The following KCTD8 variants were observed in gnomAD, a reference collection of about 807,000 sequenced individuals.
The protein encoded by KCTD8 is potassium channel tetramerization domain containing 8.
Under a neutral mutation model 31.5 loss-of-function variants are expected in KCTD8, and 27 were observed. That is an observed-to-expected ratio of 0.86 (90% CI 0.63 to 1.18). KCTD8 has a LOEUF of 1.18. Among genes scored for constraint, KCTD8 ranks in the 50% most tolerant of loss-of-function variants. The probability of loss-of-function intolerance (pLI) is 0.00; values close to 1 mark genes in which losing one functional copy is unlikely to be tolerated. For missense variants in KCTD8, 658 were observed against 647.7 expected (o/e 1.02, Z -0.17); for synonymous variants, 290 against 280.0 (o/e 1.04, Z -0.36).
intron 1 of KCTD8, among the ~76,000 whole-genome samples, chr4:44,373,936 A>G (rs4604087): frequency 0.034 from 5,105 of 152,288 alleles, 115 homozygotes; most frequent in Non-Finnish European, 0.051. Context: ...CATCACATTA[A>G]AAGATCGGCT....
chr4:44,359,097 T>C (rs1177594420), intron 1 of KCTD8, among the ~76,000 whole-genome samples: 6 of 152,216 alleles, frequency 3.9e-5, no homozygotes, highest in Admixed American at 1.3e-4. Flanking sequence ...AAAAAATTTA[T>C]CCAGTTCTAT....
chr4:44,306,965 G>T (rs113894413), intron 1 of KCTD8, among the ~76,000 whole-genome samples: 1 of 151,900 alleles, frequency 6.6e-6, no homozygotes, highest in African/African-American at 2.4e-5. Context: ...ATAAAGAGTG[G>T]CTAAAGGTAC....
At chr4:44,222,665 T>G (rs1274417749) in intron 1 of KCTD8, among the ~76,000 whole-genome samples, 2 of 152,146 alleles carry the variant, frequency 1.3e-5, no homozygotes, top group Non-Finnish European at 2.9e-5. Flanking sequence ...CTCAGGCAAA[T>G]TATTTCCTGT....
chr4:44,187,403 C>T (rs966680262), intron 1 of KCTD8, among the ~76,000 whole-genome samples: 1 of 152,244 alleles, frequency 6.6e-6, no homozygotes, highest in East Asian at 1.9e-4. Context: ...TCACCCTTCT[C>T]GTGCTTAAAT....
chr4:44,296,040 A>G (rs1343567250), intron 1 of KCTD8, among the ~76,000 whole-genome samples: 1 of 152,132 alleles, frequency 6.6e-6, no homozygotes, highest in East Asian at 1.9e-4. Flanking sequence ...AATATTTCCA[A>G]TTCTTATAGG....
Position 44,302,479 on chromosome 4 carries a change from C to T in KCTD8, c.962-127229G>A, listed in dbSNP as rs552859844. On this transcript the variant is annotated intron_variant, in intron 1 of 1. Transcript: ENST00000360029. ...CTAAGTATTTTATTCTCTTTGAAGC[C>T]ATTGTGAATGGGAGTTCACTCATGA... Among the ~76,000 whole-genome samples, 4 of 151,986 alleles carry T rather than the reference C, an allele frequency of 2.6e-5. No homozygotes were observed. The East Asian group carries it at 7.7e-4, about 29-fold the overall frequency.
intron 1 of KCTD8, among the ~76,000 whole-genome samples, chr4:44,218,899 G>A (rs563804835): frequency 6.6e-6 from 1 of 152,250 alleles, no homozygotes; most frequent in East Asian, 1.9e-4. Flanking sequence ...TTTCGTAACA[G>A]TGGAATTATG....
intron 1 of KCTD8, among the ~76,000 whole-genome samples, chr4:44,323,507 C>T (rs192910221): frequency 2.9e-5 from 4 of 135,692 alleles, no homozygotes; most frequent in African/African-American, 8.2e-5. Context: ...CCCACCCCCC[C>T]CCAAAAAAAA....
chr4:44,347,447 G>A (rs1560432209), intron 1 of KCTD8, among the ~76,000 whole-genome samples: 1 of 152,158 alleles, frequency 6.6e-6, no homozygotes, highest in Non-Finnish European at 1.5e-5. Flanking sequence ...AAGAGCCAAT[G>A]GCTACTGGTC....
intron 1 of KCTD8, among the ~76,000 whole-genome samples, chr4:44,320,589 A>G (rs1718269125): frequency 6.6e-6 from 1 of 152,204 alleles, no homozygotes; most frequent in Admixed American, 6.5e-5. Flanking sequence ...AATAGACCTC[A>G]CCAAATAAAG....
chr4:44,226,123 C>T (rs764174283), intron 1 of KCTD8, among the ~76,000 whole-genome samples: 8 of 152,042 alleles, frequency 5.3e-5, no homozygotes, highest in African/African-American at 1.7e-4. Context: ...CCACTGCGCC[C>T]GGCCCTCCTC....
intron 1 of KCTD8, among the ~76,000 whole-genome samples, chr4:44,205,721 TAAAC>T (rs1714285383): frequency 6.6e-6 from 1 of 152,186 alleles, no homozygotes; most frequent in African/African-American, 2.4e-5. Flanking sequence ...AACTGAGACA[TAAAC>T]AAAGCAGTCA....
At chr4:44,326,302 T>C (rs923383806) in intron 1 of KCTD8, among the ~76,000 whole-genome samples, 1 of 151,918 alleles carries the variant, frequency 6.6e-6, no homozygotes, top group Non-Finnish European at 1.5e-5. Context: ...ATTGGGTGCA[T>C]GTGTATATGT....
At chr4:44,208,942 G>A (rs78249728) in intron 1 of KCTD8, among the ~76,000 whole-genome samples, 10,177 of 152,174 alleles carry the variant, frequency 0.067, 470 homozygotes, top group Non-Finnish European at 0.099. Flanking sequence ...TAGGTAATAA[G>A]GGAGGATTTT....
At chr4:44,388,818 T>C (rs927043825) in intron 1 of KCTD8, among the ~76,000 whole-genome samples, 4 of 151,796 alleles carry the variant, frequency 2.6e-5, no homozygotes, top group Admixed American at 1.3e-4. Flanking sequence ...AGTTTACCTA[T>C]GTAACAAACC....
intron 1 of KCTD8, among the ~76,000 whole-genome samples, chr4:44,212,702 A>G (rs1327899665): frequency 6.6e-6 from 1 of 151,966 alleles, no homozygotes; most frequent in African/African-American, 2.4e-5. Flanking sequence ...ATTCTTTTAC[A>G]CTCAAAATTT....
chr4:44,386,921 AC>A (rs1720237181), intron 1 of KCTD8, among the ~76,000 whole-genome samples: 3 of 151,570 alleles, frequency 2.0e-5, no homozygotes, highest in Admixed American at 2.0e-4. Flanking sequence ...TCAAACAGAA[AC>A]AGAGGAAGTC....
rs1294303122 is a variant in KCTD8 at position 44,448,242 on chromosome 4, C to T, written c.282G>A (p.Arg94=). The T allele has an allele frequency of 1.9e-6, 3 of 1,611,260 alleles. No individual in the cohort carries two copies. Among genetic ancestry groups the T allele is most frequent in the Non-Finnish European group, 2.5e-6 (3 of 1,179,270 alleles). The change falls in exon 1 of 2, where the codon CGG becomes CGA. Residue 94 remains arginine (R), a synonymous_variant. Transcript: ENST00000360029. This position sits in a 1 kb window ranked among gnomAD's most constrained non-coding sequence, Gnocchi z 4.1. ...CGTCCCGGTCGATGAAGAAGCGCGCCCGGCTGTCCCTGGGCAGCTCGCCCC... is the reference window on the plus strand; with the variant it reads ...CGTCCCGGTCGATGAAGAAGCGCGCTCGGCTGTCCCTGGGCAGCTCGCCCC... The part of the protein sequence containing the change: ...RRRGELPRDS[R]ARFFIDRDGF...
chr4:44,241,103 C>G (rs1715447000), intron 1 of KCTD8, among the ~76,000 whole-genome samples: 1 of 152,176 alleles, frequency 6.6e-6, no homozygotes, highest in Admixed American at 6.5e-5. Flanking sequence ...TTGCTAACTA[C>G]TAAATTCCTA....
Sources: gnomAD v4.1 joint callset for allele counts (sites outside exome capture counted in the v4.1 genomes callset) on GRCh38, gnomAD v4.1.1 for gene constraint, Gnocchi (gnomAD v3.1) non-coding constraint, MANE v1.5 for transcripts, NCBI Gene and HGNC (gene_info 2026-07-23, HGNC 2026-07-21) for gene names.